CD96: variants seen among roughly 807,000 people sequenced by gnomAD.
CD96 encodes the protein T-cell surface protein tactile.
CD96 carries 70 observed loss-of-function variants against 71.3 expected under a neutral mutation model. The observed-to-expected ratio is 0.98, with a 90% CI of 0.81 to 1.20. The LOEUF (loss-of-function observed/expected upper bound fraction) is 1.20. Ranked by LOEUF, CD96 falls within the 50% of genes most tolerant of loss-of-function variation. The probability of loss-of-function intolerance (pLI) is 0.00; values close to 1 mark genes in which losing one functional copy is unlikely to be tolerated. For synonymous variants in CD96, 248 were observed against 233.0 expected, an observed-to-expected ratio of 1.06 and a Z score of -0.59; for missense variants, 742 against 677.5, an observed-to-expected ratio of 1.10 and a Z score of -1.06.
intron 5 of CD96, chr3:111,593,174 C>T (rs574200141): frequency 5.8e-6 from 1 of 171,578 alleles, no homozygotes; most frequent in South Asian, 1.7e-4. Flanking sequence ...ACCTAACCAG[C>T]CTCAGCCCTC....
intron 5 of CD96, chr3:111,594,263 C>T (rs978928562): frequency 6.6e-7 from 1 of 1,504,786 alleles, no homozygotes; most frequent in Non-Finnish European, 8.9e-7. Context: ...CTTATTTGAA[C>T]CACAAGATTA....
intron 3 of CD96, chr3:111,570,586 A>T (rs1935932067): frequency 6.7e-7 from 1 of 1,495,006 alleles, no homozygotes; most frequent in Non-Finnish European, 9.2e-7. Context: ...CTTGGCAAGA[A>T]AGCTAAGGGA....
At chr3:111,646,724 C>T (rs1459754726) in intron 12 of CD96, among the ~76,000 whole-genome samples, 1 of 151,566 alleles carries the variant, frequency 6.6e-6, no homozygotes, top group Non-Finnish European at 1.5e-5. Flanking sequence ...GGATATATAC[C>T]CAAAGGAATA....
chr3:111,556,166 A>G (rs939470724), intron 2 of CD96, among the ~76,000 whole-genome samples: 1 of 152,276 alleles, frequency 6.6e-6, no homozygotes, highest in Non-Finnish European at 1.5e-5. Context: ...AGTCATTGTC[A>G]TATTTTGCTT....
At chr3:111,567,969 C>T (rs1049310867) in intron 3 of CD96, among the ~76,000 whole-genome samples, 2 of 152,180 alleles carry the variant, frequency 1.3e-5, no homozygotes, top group African/African-American at 4.8e-5. Flanking sequence ...TCAGCAGAAG[C>T]CCCTACTCAC....
rs754633137 is a variant in CD96 at position 111,591,148 on chromosome 3, G to A, written c.807+5770G>A. On this transcript the variant is annotated intron_variant, in intron 5 of 13. Coordinates refer to ENST00000352690, the MANE Select transcript of CD96 (RefSeq NM_005816.5). ...CCAACACTTTGGGAGGCCGAGGTGC[G>A]CGGATCATGAGGTCAAGAGATCCAG... Among the ~76,000 whole-genome samples the A allele has an allele frequency of 2.0e-4, 30 of 152,192 alleles. 1 individual carries two copies. In the Middle Eastern group the frequency reaches 0.01, roughly 52 times the overall value.
chr3:111,589,053 C>T (rs1204467576), intron 5 of CD96, among the ~76,000 whole-genome samples: 1 of 151,554 alleles, frequency 6.6e-6, no homozygotes, highest in Non-Finnish European at 1.5e-5. Flanking sequence ...TGGGTTCACG[C>T]TATTCTCCTG....
chr3:111,575,523 C>T (rs1405062257), intron 3 of CD96, among the ~76,000 whole-genome samples: 1 of 152,206 alleles, frequency 6.6e-6, no homozygotes, highest in Non-Finnish European at 1.5e-5. Context: ...AGGGCCAACC[C>T]TTACGGGTTG....
At chr3:111,637,799 T>C (rs1190850329) in intron 11 of CD96, among the ~76,000 whole-genome samples, 1 of 151,426 alleles carries the variant, frequency 6.6e-6, no homozygotes, top group Non-Finnish European at 1.5e-5. Context: ...GAGCTTCTTT[T>C]TTTTTTTTTT....
chr3:111,583,011 G>A (rs930857526), intron 4 of CD96, among the ~76,000 whole-genome samples: 1 of 152,166 alleles, frequency 6.6e-6, no homozygotes, highest in Non-Finnish European at 1.5e-5. Context: ...CAAGTCCAAA[G>A]TCCCATCTGA....
intron 12 of CD96, among the ~76,000 whole-genome samples, chr3:111,644,207 C>T (rs1465740904): frequency 2.0e-5 from 3 of 152,066 alleles, no homozygotes; most frequent in Non-Finnish European, 4.4e-5. Context: ...CAAACAAAAA[C>T]ATAAAGTGGG....
chr3:111,611,691 A>C (rs1283917796), intron 8 of CD96, among the ~76,000 whole-genome samples: 1 of 152,226 alleles, frequency 6.6e-6, no homozygotes, highest in Admixed American at 6.5e-5. Flanking sequence ...GTCTTCATGC[A>C]GGGTCTGGAA....
chr3:111,659,486 A>G (rs904455551), intron 14 of CD96, among the ~76,000 whole-genome samples: 4 of 152,206 alleles, frequency 2.6e-5, no homozygotes, highest in Admixed American at 2.6e-4. Context: ...TGATGAAAGC[A>G]TTTAGGACTT....
chr3:111,653,406 G>A (rs776943303), downstream of CD96, among the ~76,000 whole-genome samples: 6 of 152,154 alleles, frequency 3.9e-5, no homozygotes, highest in Admixed American at 6.5e-5. Flanking sequence ...TAGCTCATAC[G>A]TAAGTGCCTA....
chr3:111,570,486 C>T (rs1438543429), intron 3 of CD96, among the ~76,000 whole-genome samples: 1 of 151,994 alleles, frequency 6.6e-6, no homozygotes, highest in Non-Finnish European at 1.5e-5. Flanking sequence ...GGTTAGGGGT[C>T]ACAGTGGAGC....
intron 10 of CD96, 61 bp downstream of exon 10, chr3:111,624,465 T>G: frequency 1.1e-6 from 1 of 916,548 alleles, no homozygotes; most frequent in Non-Finnish European, 1.8e-6. Context: ...CCGACAGATA[T>G]ATTGAACGAC....
intron 14 of CD96, among the ~76,000 whole-genome samples, chr3:111,662,983 C>A (rs1320333630): frequency 6.6e-6 from 1 of 152,156 alleles, no homozygotes; most frequent in African/African-American, 2.4e-5. Flanking sequence ...TAGAGACATA[C>A]CTGAGACTGA....
intron 6 of CD96, among the ~76,000 whole-genome samples, chr3:111,600,179 G>T (rs1937430517): frequency 6.6e-6 from 1 of 152,194 alleles, no homozygotes; most frequent in African/African-American, 2.4e-5. Flanking sequence ...TCAGATATGA[G>T]CTCCTTCGTC....
chr3:111,599,982 T>C (rs1937421336), intron 6 of CD96, among the ~76,000 whole-genome samples: 1 of 152,260 alleles, frequency 6.6e-6, no homozygotes, highest in African/African-American at 2.4e-5. Context: ...CTGCCAAGTA[T>C]GCTATTTGGA....
Sources: allele counts gnomAD v4.1 joint callset (sites outside exome capture counted in the v4.1 genomes callset), GRCh38; gene constraint gnomAD v4.1.1; transcripts MANE v1.5; gene names NCBI Gene and HGNC (gene_info 2026-07-23, HGNC 2026-07-21).